Variants in DENND1B observed in about 807,000 individuals in gnomAD.
DENND1B encodes DENN domain-containing protein 1B.
In DENND1B, 59 loss-of-function variants were observed where a neutral mutation model predicts 90.1. That is an observed-to-expected ratio of 0.65 (90% CI 0.53 to 0.81). The LOEUF (loss-of-function observed/expected upper bound fraction) is 0.81. DENND1B is among the 40% of genes least tolerant of loss of function. DENND1B has a pLI of 0.00. For synonymous variants in DENND1B, 337 were observed against 324.6 expected (o/e 1.04, Z -0.41); for missense variants, 862 against 912.6 (o/e 0.94, Z 0.71).
At chr1:197,612,765 A>G (rs954801722) in intron 11 of DENND1B, among the ~76,000 whole-genome samples, 1 of 150,692 alleles carries the variant, frequency 6.6e-6, no homozygotes, top group African/African-American at 2.4e-5. Context: ...GAACAATAAT[A>G]GACAATATAA....
chr1:197,660,110 A>G (rs1654259087), intron 5 of DENND1B, among the ~76,000 whole-genome samples: 1 of 151,952 alleles, frequency 6.6e-6, no homozygotes, highest in Non-Finnish European at 1.5e-5. Flanking sequence ...AGGAAGAAAG[A>G]GCTTTAAGAA....
intron 10 of DENND1B, among the ~76,000 whole-genome samples, chr1:197,632,235 C>A (rs1169578230): frequency 2.0e-5 from 3 of 152,132 alleles, no homozygotes; most frequent in African/African-American, 7.2e-5. Context: ...TGCCTCCCCA[C>A]AATCTGTTGG....
chr1:197,657,413 T>C (rs1464157979), intron 6 of DENND1B, among the ~76,000 whole-genome samples: 2 of 152,110 alleles, frequency 1.3e-5, no homozygotes, highest in Non-Finnish European at 2.9e-5. Context: ...TTATCCCAGG[T>C]TGTAATTTTC....
Position 197,721,220 on chromosome 1 carries a change from C to T in DENND1B, c.83-6146G>A, listed in dbSNP as rs138570650. Among the ~76,000 whole-genome samples, 940 of 152,090 alleles carry T rather than the reference C, an allele frequency of 6.2e-3. 12 individuals carry two copies. Among genetic ancestry groups the T allele is most frequent in the African/African-American group, 0.022 (908 of 41,472 alleles). On this transcript the variant is annotated intron_variant, in intron 2 of 22. Transcript: ENST00000620048. ...GAGTAGCTGGGACTACAGGCACCCA[C>T]CACCACACCCAGCTAATTTTTTTTT... is the stretch of plus-strand genomic sequence containing the variant.
chr1:197,746,928 T>G, intron 2 of DENND1B: 1 of 1,520,986 alleles, frequency 6.6e-7, no homozygotes, highest in Non-Finnish European at 9.1e-7. Flanking sequence ...GCTAGCTGGT[T>G]TTTCTGAGTT....
At chr1:197,526,561 C>A (rs1669146452) in intron 20 of DENND1B, among the ~76,000 whole-genome samples, 1 of 151,992 alleles carries the variant, frequency 6.6e-6, no homozygotes, top group Admixed American at 6.6e-5. Context: ...AATTGAGTAC[C>A]TTTGTTTTTG....
Position 197,667,156 on chromosome 1 carries a change from T to C in DENND1B, c.296+4881A>G, listed in dbSNP as rs1415916190. Among the ~76,000 whole-genome samples, 3 of 151,904 alleles carry C rather than the reference T, an allele frequency of 2.0e-5. No homozygotes were observed. In the East Asian group the frequency reaches 5.8e-4, roughly 29 times the overall value. On this transcript the variant is annotated intron_variant, in intron 5 of 22. Coordinates refer to ENST00000620048, the MANE Select transcript of DENND1B (RefSeq NM_001195215.2). ...TCAAAAAAAAAAAAAAAGACAAACT[T>C]TTTCAACCACATCTTAAGGGTACAG...
intron 15 of DENND1B, among the ~76,000 whole-genome samples, chr1:197,575,628 C>G (rs1488401716): frequency 1.3e-5 from 2 of 152,138 alleles, no homozygotes; most frequent in Admixed American, 1.3e-4. Context: ...AAGACATATG[C>G]ACATGTATGT....
intron 10 of DENND1B, among the ~76,000 whole-genome samples, chr1:197,627,974 T>C (rs1401406751): frequency 6.6e-6 from 1 of 152,098 alleles, no homozygotes; most frequent in Non-Finnish European, 1.5e-5. Context: ...ACAAGGGATG[T>C]GAAGGACCTC....
At chr1:197,667,880 T>C (rs1165020882) in intron 5 of DENND1B, among the ~76,000 whole-genome samples, 2 of 152,226 alleles carry the variant, frequency 1.3e-5, no homozygotes, top group Non-Finnish European at 2.9e-5. Flanking sequence ...ATTTATAGTT[T>C]ATTATCTATA....
At position 197,676,682 on chromosome 1, in the gene DENND1B, T is replaced by C. The variant is rs142359641; in HGVS notation, c.127-2513A>G. ...AAATAGGAATAATAAAAAGAATGGA[T>C]GGAATAGAATACAAAATTATGAACA... On this transcript the variant is annotated intron_variant, in intron 3 of 22. Coordinates refer to ENST00000620048, the MANE Select transcript of DENND1B (RefSeq NM_001195215.2). Among the ~76,000 whole-genome samples, 1,380 of 152,176 alleles carry C rather than the reference T, an allele frequency of 9.1e-3. 19 individuals are homozygous for C. The highest frequency in any genetic ancestry group is 0.028 in the African/African-American group (1,172 of 41,510).
intron 20 of DENND1B, among the ~76,000 whole-genome samples, chr1:197,514,839 G>A (rs1668288322): frequency 6.6e-6 from 1 of 151,510 alleles, no homozygotes; most frequent in Admixed American, 6.6e-5. Context: ...ACAATAAGAT[G>A]TCTCATTTCA....
intron 12 of DENND1B, among the ~76,000 whole-genome samples, chr1:197,611,627 CA>C (rs1482022769): frequency 6.6e-6 from 1 of 150,562 alleles, no homozygotes; most frequent in Non-Finnish European, 1.5e-5. Context: ...TAAATGATCT[CA>C]AGTTGCCATA....
chr1:197,552,745 G>C (rs1671345222), intron 16 of DENND1B: 1 of 1,207,162 alleles, frequency 8.3e-7, no homozygotes, highest in African/African-American at 1.6e-5. Flanking sequence ...GATATGAGTT[G>C]ATTGGATTTC....
chr1:197,735,112 G>T, intron 2 of DENND1B: 3 of 966,076 alleles, frequency 3.1e-6, no homozygotes, highest in Non-Finnish European at 2.5e-6. Flanking sequence ...TAAGAAAATA[G>T]ATTTGGTTAA....
chr1:197,628,082 T>C (rs1415834330), intron 10 of DENND1B, among the ~76,000 whole-genome samples: 3 of 152,108 alleles, frequency 2.0e-5, no homozygotes, highest in African/African-American at 7.2e-5. Context: ...ATCAATATCA[T>C]GAAAATGGCC....
At chr1:197,761,287 A>T (rs1655014917) in intron 2 of DENND1B, among the ~76,000 whole-genome samples, 1 of 152,156 alleles carries the variant, frequency 6.6e-6, no homozygotes, top group Non-Finnish European at 1.5e-5. Context: ...AAAAATGATG[A>T]AGACCTTCAA....
At chr1:197,652,067 G>A (rs1182230821) in intron 7 of DENND1B, among the ~76,000 whole-genome samples, 168 bp downstream of exon 7, 4 of 152,094 alleles carry the variant, frequency 2.6e-5, no homozygotes, top group African/African-American at 4.8e-5. Context: ...GATAGTTACA[G>A]CATGTTAAAA....
intron 2 of DENND1B, chr1:197,747,391 C>G: frequency 2.1e-6 from 1 of 470,890 alleles, no homozygotes; most frequent in Non-Finnish European, 4.0e-6. Flanking sequence ...GTAGCTTCAT[C>G]TTCAGAGTTT....
Sources: gnomAD v4.1 joint callset for allele counts (sites outside exome capture counted in the v4.1 genomes callset) on GRCh38, gnomAD v4.1.1 for gene constraint, MANE v1.5 for transcripts, NCBI Gene and HGNC (gene_info 2026-07-23, HGNC 2026-07-21) for gene names.